Variants in QRICH1 observed in about 807,000 individuals in gnomAD.
QRICH1 encodes glutamine rich 1.
QRICH1 carries 16 observed loss-of-function variants against 87.1 expected under a neutral mutation model. The observed-to-expected ratio is 0.18, with a 90% confidence interval of 0.12 to 0.28. QRICH1 has a LOEUF of 0.28. Among genes scored for constraint, QRICH1 ranks in the 10% least tolerant of loss-of-function variants. The pLI, the probability that QRICH1 is intolerant of heterozygous loss-of-function variation, is 1.00. For missense variants in QRICH1, 647 were observed against 951.7 expected, an observed-to-expected ratio of 0.68 and a Z score of 4.21; for synonymous variants, 367 against 368.4, an observed-to-expected ratio of 1.00 and a Z score of 0.05.
At chr3:49,077,511 C>T (rs144812922) in intron 1 of QRICH1, among the ~76,000 whole-genome samples, 4 of 152,292 alleles carry the variant, frequency 2.6e-5, no homozygotes, top group African/African-American at 7.2e-5. Context: ...TGTGGCAAGA[C>T]ACAAGAGGCA....
chr3:49,030,763 T>C (rs554805742), intron 9 of QRICH1, 119 bp from the exon 10 acceptor site: 1 of 875,710 alleles, frequency 1.1e-6, no homozygotes, highest in East Asian at 2.9e-5. Flanking sequence ...GTGGCACAGC[T>C]ACTGAATTCC....
chr3:49,073,208 C>T (rs2041878835), intron 2 of QRICH1, among the ~76,000 whole-genome samples: 1 of 152,136 alleles, frequency 6.6e-6, no homozygotes, highest in African/African-American at 2.4e-5. Flanking sequence ...GGCAAGAAAA[C>T]TGCATTTGCA....
intron 2 of QRICH1, among the ~76,000 whole-genome samples, chr3:49,070,383 T>C (rs544037963): frequency 6.6e-6 from 1 of 152,088 alleles, no homozygotes; most frequent in African/African-American, 2.4e-5. Context: ...ATCAATTTCT[T>C]AGATTTAGTG....
At chr3:49,085,532 A>G (rs1233771400) in intron 1 of QRICH1, among the ~76,000 whole-genome samples, 4 of 152,142 alleles carry the variant, frequency 2.6e-5, no homozygotes, top group African/African-American at 9.7e-5. Context: ...AGGTGGGTGG[A>G]TCACCTGAGG....
intron 6 of QRICH1, among the ~76,000 whole-genome samples, chr3:49,043,280 G>C (rs1308759266): frequency 7.0e-6 from 1 of 143,462 alleles, no homozygotes. Context: ...CGGATCACCT[G>C]AGGTCAGGAG....
At chr3:49,033,003 G>T in intron 7 of QRICH1, 117 bp downstream of exon 7, 1 of 981,120 alleles carries the variant, frequency 1.0e-6, no homozygotes, top group Non-Finnish European at 1.5e-6. Context: ...AGTGGGGTTA[G>T]GGCTTTCAGT....
chr3:49,031,185 T>C (rs1005979311), intron 9 of QRICH1, among the ~76,000 whole-genome samples: 1 of 151,964 alleles, frequency 6.6e-6, no homozygotes, highest in African/African-American at 2.4e-5. Context: ...ATGGGGTTTT[T>C]CCATGTTGGC....
chr3:49,055,109 C>T (rs2106896256), intron 3 of QRICH1, among the ~76,000 whole-genome samples: 1 of 152,260 alleles, frequency 6.6e-6, no homozygotes, highest in Admixed American at 6.5e-5. Context: ...TTCTCTTATT[C>T]TATTTCTAGG....
intron 2 of QRICH1, among the ~76,000 whole-genome samples, chr3:49,076,445 G>A (rs911507507): frequency 4.0e-5 from 6 of 151,746 alleles, no homozygotes; most frequent in African/African-American, 1.5e-4. Flanking sequence ...ACCCGCTTCT[G>A]GGTTGGGGTT....
At position 49,032,664 on chromosome 3, in the gene QRICH1, G is replaced by C; in HGVS notation, c.2005C>G (p.Arg669Gly). ...TGTATTCCAAGGGCCTTCAAGTACCGGATACTCGTGCTTTTATCCTTGGGA... is the reference window on the plus strand; with the variant it reads ...TGTATTCCAAGGGCCTTCAAGTACCCGATACTCGTGCTTTTATCCTTGGGA... Reference protein sequence around the residue: ...SNPKDKSTSIRYLKALGIHQT... With the variant: ...SNPKDKSTSIGYLKALGIHQT... The change falls in exon 8 of 10, where the codon CGG (arginine) becomes GGG (glycine). Residue 669 changes from arginine (R) to glycine (G), a missense_variant. Physicochemically the swap from Arg to Gly is moderately radical, Grantham distance 125. Around this residue, in one of 7 missense-constraint regions of QRICH1, gnomAD observed 187 missense variants for 309.5 expected, o/e 0.60. Coordinates refer to ENST00000395443, the MANE Select transcript of QRICH1 (RefSeq NM_198880.3). 6.2e-7 allele frequency: 1 copy of C among 1,611,070 alleles called. No individual in the cohort carries two copies. Among genetic ancestry groups the C allele is most frequent in the Non-Finnish European group, 8.5e-7 (1 of 1,178,760 alleles).
chr3:49,048,548 G>C (rs1394381755), intron 3 of QRICH1, among the ~76,000 whole-genome samples: 1 of 151,042 alleles, frequency 6.6e-6, no homozygotes, highest in Admixed American at 6.6e-5. Flanking sequence ...CAGCACTTTG[G>C]GAGGCCGAGG....
intron 5 of QRICH1, among the ~76,000 whole-genome samples, chr3:49,045,897 ATTT>A (rs1029036645): frequency 1.4e-5 from 2 of 147,196 alleles, no homozygotes. Flanking sequence ...CCTGGCTCTT[ATTT>A]TTTTTCTTTT....
At chr3:49,080,953 C>T (rs1363469074) in intron 1 of QRICH1, among the ~76,000 whole-genome samples, 42 of 62,346 alleles carry the variant, frequency 6.7e-4, no homozygotes, top group African/African-American at 2.4e-3. Flanking sequence ...GCAACAAGAA[C>T]GAAACTCCAT....
At chr3:49,032,503 G>T in intron 8 of QRICH1, 119 bp downstream of exon 8, 1 of 1,321,284 alleles carries the variant, frequency 7.6e-7, no homozygotes, top group Non-Finnish European at 1.0e-6. Context: ...AGAAGGGAGT[G>T]GAGAATTTTA....
chr3:49,043,719 C>T (rs2093324014), intron 6 of QRICH1, among the ~76,000 whole-genome samples: 1 of 151,790 alleles, frequency 6.6e-6, no homozygotes, highest in African/African-American at 2.4e-5. Flanking sequence ...CCCAGCTGCT[C>T]AGGAGGCTGA....
intron 1 of QRICH1, among the ~76,000 whole-genome samples, chr3:49,091,395 A>C (rs1363666741): frequency 6.6e-6 from 1 of 152,110 alleles, no homozygotes; most frequent in Non-Finnish European, 1.5e-5. Context: ...ACTAAAAGAA[A>C]GCATATCCAA....
At position 49,075,568 on chromosome 3, in the gene QRICH1, T is replaced by C. The variant is rs535575028; in HGVS notation, c.309+1141A>G. On this transcript the variant is annotated intron_variant, in intron 2 of 9. Transcript: ENST00000395443. The stretch of plus-strand genomic sequence containing the variant: ...ATCGCTTGAACCCAAGAGGTGCAGG[T>C]TGCAGTGAGCCGAGATGGCTCCATT... Among the ~76,000 whole-genome samples the C allele has an allele frequency of 1.2e-3, 179 of 152,072 alleles. 5 individuals are homozygous for C. The South Asian group carries it at 0.035, about 29-fold the overall frequency.
In QRICH1 at chr3:49,057,852, C is replaced by A; in HGVS notation, c.348G>T (p.Ser116=). Residue 116 remains serine, a synonymous_variant, in exon 3 of 10, where the codon TCG becomes TCT. Transcript: ENST00000395443. This position sits in a 1 kb window ranked among gnomAD's most constrained non-coding sequence, Gnocchi z 5.4. ...CGGTGAGTTGTGGGGAGAGCTGAGC[C>A]GAGACCTGTTGCGGAGACTGCTGTA... ...VQVQQSPQQV[S]AQLSPQLTVH... is the part of the protein sequence containing the mutation. The A allele has an allele frequency of 3.7e-6, 6 of 1,613,952 alleles. No individual in the cohort carries two copies. The highest frequency in any genetic ancestry group is 5.1e-6 in the Non-Finnish European group (6 of 1,180,004).
chr3:49,032,504 G>A, intron 8 of QRICH1, 118 bp downstream of exon 8: 1 of 1,331,826 alleles, frequency 7.5e-7, no homozygotes, highest in Non-Finnish European at 1.0e-6. Context: ...GAAGGGAGTG[G>A]AGAATTTTAT....
Sources: gnomAD v4.1 joint callset for allele counts (sites outside exome capture counted in the v4.1 genomes callset) on GRCh38, gnomAD v4.1.1 for gene constraint, gnomAD v4.1.1 regional missense constraint, Gnocchi (gnomAD v3.1) non-coding constraint, MANE v1.5 for transcripts, NCBI Gene and HGNC (gene_info 2026-07-23, HGNC 2026-07-21) for gene names.